Variants in MYO1E observed in about 807,000 individuals in gnomAD.
MYO1E encodes the protein myosin IE.
A neutral mutation model predicts 151.1 loss-of-function variants in MYO1E; 68 were observed. That is an observed-to-expected ratio of 0.45 (90% confidence interval 0.37 to 0.55). MYO1E has a LOEUF of 0.55. Among genes scored for constraint, MYO1E ranks in the 20% least tolerant of loss-of-function variants. The probability of loss-of-function intolerance (pLI) is 0.00; values close to 1 mark genes in which losing one functional copy is unlikely to be tolerated. For synonymous variants in MYO1E, 601 were observed against 501.7 expected, an observed-to-expected ratio of 1.20 and a Z score of -2.64; for missense variants, 1,363 against 1,389.3, an observed-to-expected ratio of 0.98 and a Z score of 0.30.
At chr15:59,262,724 G>C (rs769642573) in intron 2 of MYO1E, among the ~76,000 whole-genome samples, 2 of 152,166 alleles carry the variant, frequency 1.3e-5, no homozygotes, top group South Asian at 2.1e-4. Flanking sequence ...ATCAGGTTTA[G>C]GGAAAGAAGG....
chr15:59,333,867 G>C (rs936495974), intron 1 of MYO1E, among the ~76,000 whole-genome samples: 19 of 152,192 alleles, frequency 1.2e-4, no homozygotes, highest in African/African-American at 4.3e-4. Flanking sequence ...TCATAGGAAA[G>C]AGCTACTTCT....
At chr15:59,233,089 T>C (rs1200351936) in intron 5 of MYO1E, among the ~76,000 whole-genome samples, 1 of 127,658 alleles carries the variant, frequency 7.8e-6, no homozygotes, top group East Asian at 2.0e-4. Context: ...ATTTTGAGTT[T>C]GTGGATCTTC....
intron 1 of MYO1E, among the ~76,000 whole-genome samples, chr15:59,360,529 T>C (rs117768535): frequency 6.6e-6 from 1 of 152,194 alleles, no homozygotes; most frequent in Non-Finnish European, 1.5e-5. Flanking sequence ...TTGGCATGAT[T>C]CATTGCTCTC....
intron 1 of MYO1E, among the ~76,000 whole-genome samples, chr15:59,282,358 T>C (rs1438950484): frequency 6.6e-6 from 1 of 152,128 alleles, no homozygotes; most frequent in Non-Finnish European, 1.5e-5. Context: ...CAGCCACAGG[T>C]GGGACATGTC....
chr15:59,342,095 T>C (rs764598428), intron 1 of MYO1E, among the ~76,000 whole-genome samples: 2 of 152,242 alleles, frequency 1.3e-5, no homozygotes, highest in South Asian at 2.1e-4. Flanking sequence ...TGATACCTCA[T>C]TGTAGTTTTC....
At chr15:59,343,228 G>C (rs1171082404) in intron 1 of MYO1E, among the ~76,000 whole-genome samples, 1 of 151,862 alleles carries the variant, frequency 6.6e-6, no homozygotes, top group Non-Finnish European at 1.5e-5. Flanking sequence ...TTGTTTGTCT[G>C]GGAAGGTCTT....
intron 1 of MYO1E, among the ~76,000 whole-genome samples, chr15:59,322,722 C>A (rs1439819803): frequency 6.6e-6 from 1 of 152,060 alleles, no homozygotes; most frequent in Non-Finnish European, 1.5e-5. Flanking sequence ...CTAAAAAGCA[C>A]ATTGGGAAAA....
Position 59,214,535 on chromosome 15 carries a change from G to C in MYO1E, c.1188+105C>G, listed in dbSNP as rs1199676114. The C allele has an allele frequency of 3.4e-6, 4 of 1,181,104 alleles. No individual in the cohort carries two copies. In the Admixed American group the frequency reaches 6.8e-5, roughly 20 times the overall value. 73.2% of individuals were successfully genotyped at this position (1,181,104 alleles called of 1,614,324 possible). A position where few individuals can be genotyped will look rare whatever the true frequency, so the allele number is the denominator to read the frequency against. ...CTGAGTTGTTTTTTTTGTTGTTGTG[G>C]TTTGTTTTCTGTTTTTTTGTTTTTG... is the stretch of plus-strand genomic sequence containing the variant. On this transcript the variant is annotated intron_variant, in intron 11 of 27. Coordinates refer to ENST00000288235, the MANE Select transcript of MYO1E (RefSeq NM_004998.4).
chr15:59,263,071 C>G (rs1205754888), intron 2 of MYO1E, among the ~76,000 whole-genome samples: 1 of 152,042 alleles, frequency 6.6e-6, no homozygotes, highest in African/African-American at 2.4e-5. Context: ...CTGTTTCTTT[C>G]AATGATCAAT....
chr15:59,197,085 C>T (rs190018463), intron 16 of MYO1E, among the ~76,000 whole-genome samples: 20 of 147,904 alleles, frequency 1.4e-4, no homozygotes, highest in African/African-American at 3.7e-4. Context: ...CTCTGCCTCC[C>T]GAGTTCAAGC....
intron 1 of MYO1E, among the ~76,000 whole-genome samples, chr15:59,287,882 G>A (rs75427114): frequency 1.6e-3 from 242 of 152,338 alleles, no homozygotes; most frequent in African/African-American, 5.6e-3. Context: ...ACTAGAAGGA[G>A]TGGATCAGAA....
intron 1 of MYO1E, among the ~76,000 whole-genome samples, chr15:59,327,607 G>A (rs1317020812): frequency 6.6e-6 from 1 of 152,000 alleles, no homozygotes; most frequent in Non-Finnish European, 1.5e-5. Context: ...GAGCCAGCAC[G>A]CCCAGCCATT....
chr15:59,168,772 C>T (rs1459547260), intron 22 of MYO1E, among the ~76,000 whole-genome samples: 1 of 152,046 alleles, frequency 6.6e-6, no homozygotes, highest in Non-Finnish European at 1.5e-5. Flanking sequence ...GGGCACGTAC[C>T]ACCACTCCTG....
At chr15:59,267,557 G>T (rs1237528998) in intron 2 of MYO1E, among the ~76,000 whole-genome samples, 1 of 152,154 alleles carries the variant, frequency 6.6e-6, no homozygotes, top group Non-Finnish European at 1.5e-5. Context: ...GACCTCACTC[G>T]GAACAACTAC....
chr15:59,177,938 G>C (rs1199366096), intron 19 of MYO1E, among the ~76,000 whole-genome samples: 1 of 152,248 alleles, frequency 6.6e-6, no homozygotes, highest in Non-Finnish European at 1.5e-5. Context: ...GGAATCCTGA[G>C]ACTATGCGTA....
At chr15:59,371,847 C>T (rs2140448185) in intron 1 of MYO1E, among the ~76,000 whole-genome samples, 1 of 151,802 alleles carries the variant, frequency 6.6e-6, no homozygotes, top group Admixed American at 6.6e-5. Context: ...GCCGCCCGCG[C>T]CCGAGTCTCC....
At chr15:59,149,802 CT>C (rs1277318712) in intron 26 of MYO1E, among the ~76,000 whole-genome samples, 1 of 152,116 alleles carries the variant, frequency 6.6e-6, no homozygotes, top group African/African-American at 2.4e-5. Flanking sequence ...CATAGTAATC[CT>C]ACTTTTATAG....
chr15:59,308,825 C>G (rs1267479961), intron 1 of MYO1E, among the ~76,000 whole-genome samples: 1 of 125,208 alleles, frequency 8.0e-6, no homozygotes, highest in Non-Finnish European at 1.7e-5. Flanking sequence ...GTGACAAGAG[C>G]AAAACTCCAT....
chr15:59,163,051 C>G, intron 23 of MYO1E, 106 bp downstream of exon 23: 1 of 1,346,398 alleles, frequency 7.4e-7, no homozygotes, highest in East Asian at 2.5e-5. Context: ...CCAGACCCCA[C>G]TCTTCTCCTC....
Sources: gnomAD v4.1 joint callset for allele counts (sites outside exome capture counted in the v4.1 genomes callset) on GRCh38, gnomAD v4.1.1 for gene constraint, MANE v1.5 for transcripts, NCBI Gene and HGNC (gene_info 2026-07-23, HGNC 2026-07-21) for gene names.